The following STAG1 variants were observed in gnomAD, a reference collection of about 807,000 sequenced individuals.
The protein encoded by STAG1 is STAG1 cohesin complex component.
STAG1 carries 26 observed loss-of-function variants against 170.9 expected under a neutral mutation model. The ratio of observed to expected loss-of-function variants is 0.15; its 90% CI spans 0.11 to 0.21. STAG1 has a LOEUF of 0.21. Among genes scored for constraint, STAG1 ranks in the 10% least tolerant of loss-of-function variants. STAG1 has a pLI of 1.00. For synonymous variants in STAG1, 514 were observed against 497.7 expected (o/e 1.03, Z -0.44); for missense variants, 964 against 1,509.5 (o/e 0.64, Z 5.99).
At chr3:136,359,529 A>AATTTGTTTC (rs1204291731) in intron 26 of STAG1, among the ~76,000 whole-genome samples, 2 of 152,164 alleles carry the variant, frequency 1.3e-5, no homozygotes, top group Non-Finnish European at 2.9e-5. Context: ...TCTAATAATA[A>AATTTGTTTC]TAAAAAAACA....
At chr3:136,444,945 T>C (rs537996486) in intron 14 of STAG1, among the ~76,000 whole-genome samples, 44 of 152,052 alleles carry the variant, frequency 2.9e-4, no homozygotes, top group Non-Finnish European at 5.7e-4. Flanking sequence ...ACTGCAGCCT[T>C]GACTTCCTGG....
chr3:136,690,055 C>CTAAAAAAAAAAAAAAAAAAAAA (rs1942668492), intron 1 of STAG1, among the ~76,000 whole-genome samples: 1 of 53,056 alleles, frequency 1.9e-5, no homozygotes, highest in African/African-American at 1.0e-4. Context: ...AAAAAGCAAA[C>CTAAAAAAAAAAAAAAAAAAAAA]CAAAAAAAAA....
intron 10 of STAG1, among the ~76,000 whole-genome samples, chr3:136,475,316 T>G (rs2089722003): frequency 6.6e-6 from 1 of 151,914 alleles, no homozygotes; most frequent in African/African-American, 2.4e-5. Flanking sequence ...CCAGCAAAGT[T>G]TTCCATTTTT....
intron 4 of STAG1, among the ~76,000 whole-genome samples, chr3:136,600,746 G>A (rs1305296313): frequency 6.6e-6 from 1 of 152,050 alleles, no homozygotes; most frequent in African/African-American, 2.4e-5. Context: ...TATTGGCCAG[G>A]GTGGTCTCAA....
chr3:136,406,110 T>C (rs987789381), intron 21 of STAG1, among the ~76,000 whole-genome samples: 3 of 152,078 alleles, frequency 2.0e-5, no homozygotes, highest in African/African-American at 7.2e-5. Flanking sequence ...ACAGACTTAA[T>C]TGTGATAGCC....
chr3:136,380,245 A>AT (rs199882004), intron 22 of STAG1, among the ~76,000 whole-genome samples: 363 of 144,802 alleles, frequency 2.5e-3, no homozygotes, highest in South Asian at 4.8e-3. Flanking sequence ...AGGCCATAGG[A>AT]TTTTTTTTTT....
chr3:136,660,508 C>T lies in STAG1; in HGVS notation c.-83-29527G>A, dbSNP rs146358498. Reference sequence around the variant, plus strand: ...AAAAACTACAAATAGGATAATTAGACAAAACATACTGAAAACACTAATGAT... The same window carrying T: ...AAAAACTACAAATAGGATAATTAGATAAAACATACTGAAAACACTAATGAT... On this transcript the variant is annotated intron_variant, in intron 1 of 33. Transcript: ENST00000383202. Among the ~76,000 whole-genome samples the T allele has an allele frequency of 5.9e-5, 9 of 152,128 alleles. No individual in the cohort carries two copies. In the East Asian group the frequency reaches 1.7e-3, roughly 29 times the overall value.
At chr3:136,386,902 T>A (rs988522871) in intron 22 of STAG1, among the ~76,000 whole-genome samples, 27 of 152,152 alleles carry the variant, frequency 1.8e-4, no homozygotes, top group Admixed American at 1.3e-4. Flanking sequence ...CAACATTATC[T>A]GACAAATATA....
intron 1 of STAG1, among the ~76,000 whole-genome samples, chr3:136,747,661 C>G (rs1209536112): frequency 1.3e-5 from 2 of 152,044 alleles, no homozygotes; most frequent in South Asian, 2.1e-4. Flanking sequence ...GCCTGAGTGA[C>G]AGAGAGAGAC....
intron 15 of STAG1, among the ~76,000 whole-genome samples, chr3:136,438,579 T>G (rs1302479200): frequency 6.6e-6 from 1 of 152,138 alleles, no homozygotes. Context: ...AGGTCTTCCA[T>G]CAGGATTCAG....
intron 12 of STAG1, among the ~76,000 whole-genome samples, chr3:136,465,942 G>A (rs1380744527): frequency 6.6e-6 from 1 of 151,978 alleles, no homozygotes; most frequent in Non-Finnish European, 1.5e-5. Flanking sequence ...TACTTGTGAG[G>A]CTAAGAAAAT....
chr3:136,421,175 G>A lies in STAG1; in HGVS notation c.2038-12C>T. 6.3e-7 allele frequency: 1 copy of A among 1,585,396 alleles called. No homozygotes were observed. The highest frequency in any genetic ancestry group is 8.6e-7 in the Non-Finnish European group (1 of 1,160,122). On this transcript the variant is annotated splice_polypyrimidine_tract_variant and intron_variant, in intron 19 of 33. Coordinates refer to ENST00000383202, the MANE Select transcript of STAG1 (RefSeq NM_005862.3). ...TCAGCTTCTTCTCCCTATAAAAAAA[G>A]GAAACATCACATCATTACAACTTTA...
rs148609462 is a variant in STAG1, at chr3:136,451,145, T to C, written c.1428+888A>G. ...TGTTTCTCCAATGACACGGCAGTAG[T>C]AGGAAATACAGATTACAATATATTA... On this transcript the variant is annotated intron_variant, in intron 14 of 33. Coordinates refer to ENST00000383202, the MANE Select transcript of STAG1 (RefSeq NM_005862.3). 2.0e-5 allele frequency among the ~76,000 whole-genome samples: 3 copies of C among 150,828 alleles called. No individual in the cohort carries two copies. In the East Asian group the frequency reaches 5.8e-4, roughly 29 times the overall value.
At chr3:136,589,150 C>G (rs928208989) in intron 4 of STAG1, among the ~76,000 whole-genome samples, 3 of 152,046 alleles carry the variant, frequency 2.0e-5, no homozygotes, top group African/African-American at 7.2e-5. Flanking sequence ...CTTGGCCTCC[C>G]TAAGTGTTGG....
chr3:136,703,183 C>A (rs934685758), intron 1 of STAG1, among the ~76,000 whole-genome samples: 1 of 151,506 alleles, frequency 6.6e-6, no homozygotes, highest in African/African-American at 2.4e-5. Context: ...GCAAGAACTA[C>A]AAGAAATCAA....
intron 1 of STAG1, among the ~76,000 whole-genome samples, chr3:136,713,748 C>T (rs954485795): frequency 6.6e-6 from 1 of 151,954 alleles, no homozygotes; most frequent in South Asian, 2.1e-4. Flanking sequence ...CTTGGCTGGG[C>T]GCTGTGGCTC....
intron 6 of STAG1, among the ~76,000 whole-genome samples, chr3:136,539,367 G>A (rs954585883): frequency 6.6e-6 from 1 of 152,094 alleles, no homozygotes; most frequent in Non-Finnish European, 1.5e-5. Flanking sequence ...CAGGAAAAGA[G>A]AAAAAATCTG....
intron 1 of STAG1, among the ~76,000 whole-genome samples, chr3:136,728,164 A>C (rs1437587163): frequency 2.0e-5 from 3 of 152,198 alleles, no homozygotes; most frequent in African/African-American, 7.2e-5. Flanking sequence ...ATTTCAAAAA[A>C]AAAATCAAAA....
chr3:136,376,392 C>T (rs1248279281), intron 23 of STAG1, among the ~76,000 whole-genome samples: 4 of 152,140 alleles, frequency 2.6e-5, no homozygotes, highest in Non-Finnish European at 5.9e-5. Flanking sequence ...TGACCCCCAC[C>T]CTGACCCTCT....
Sources: allele counts gnomAD v4.1 joint callset (sites outside exome capture counted in the v4.1 genomes callset), GRCh38; gene constraint gnomAD v4.1.1; transcripts MANE v1.5; gene names NCBI Gene and HGNC (gene_info 2026-07-23, HGNC 2026-07-21).